The following TDRD10 variants were observed in gnomAD, a reference collection of about 807,000 sequenced individuals.
TDRD10 encodes tudor domain containing 10.
A neutral mutation model predicts 48.0 loss-of-function variants in TDRD10; 40 were observed. The ratio of observed to expected loss-of-function variants is 0.83; its 90% CI spans 0.65 to 1.09. The LOEUF is 1.09. Among genes scored for constraint, TDRD10 ranks in the 50% least tolerant of loss-of-function variants. The probability of loss-of-function intolerance (pLI) is 0.00; values close to 1 mark genes in which losing one functional copy is unlikely to be tolerated. For synonymous variants in TDRD10, 162 were observed against 170.4 expected, an observed-to-expected ratio of 0.95 and a Z score of 0.38; for missense variants, 378 against 434.7, an observed-to-expected ratio of 0.87 and a Z score of 1.16.
rs527898982 is a variant in TDRD10 at position 154,546,030 on chromosome 1, C to T, written c.952+1081C>T. 1.1e-4 allele frequency among the ~76,000 whole-genome samples: 16 copies of T among 148,208 alleles called. No homozygotes were observed. The Admixed American group carries it at 1.1e-3, about 10-fold the overall frequency. Reference sequence around the variant, plus strand: ...CCTCGTGATCCGCCCACCTCGGCCTCCCAAAGTGCTGGGATTACAGCTGTG... The same window carrying T: ...CCTCGTGATCCGCCCACCTCGGCCTTCCAAAGTGCTGGGATTACAGCTGTG... On this transcript the variant is annotated intron_variant, in intron 11 of 12. Transcript: ENST00000368482.
intron 4 of TDRD10, chr1:154,509,740 C>G (rs761639630): frequency 3.6e-5 from 32 of 892,154 alleles, no homozygotes; most frequent in Non-Finnish European, 4.0e-5. Context: ...TTGGGGGATT[C>G]CTGGCACCTG....
chr1:154,538,989 G>T (rs913812683), intron 6 of TDRD10, among the ~76,000 whole-genome samples: 2 of 152,184 alleles, frequency 1.3e-5, no homozygotes, highest in Non-Finnish European at 2.9e-5. Flanking sequence ...TTTACCGTAT[G>T]AACTCATTTA....
intron 6 of TDRD10, among the ~76,000 whole-genome samples, chr1:154,536,312 G>A (rs897403911): frequency 4.6e-5 from 7 of 152,152 alleles, no homozygotes; most frequent in South Asian, 2.1e-4. Context: ...GGAGGCAGAG[G>A]TTGCGGTGAG....
chr1:154,547,627 C>T lies in TDRD10; in HGVS notation c.1024-51C>T, dbSNP rs1436688272. On this transcript the variant is annotated intron_variant, in intron 12 of 12. Transcript: ENST00000368482. ...CTGGTTATCTGAGGGGTTGGGTGAA[C>T]TGGCTCGGGTGGGCCTTCCTTCCCA... is the stretch of plus-strand genomic sequence containing the variant. The T allele has an allele frequency of 2.0e-5, 32 of 1,614,112 alleles. No homozygotes were observed. The Admixed American group carries it at 3.5e-4, about 18-fold the overall frequency.
At chr1:154,540,691 T>G (rs758357991) in intron 6 of TDRD10, among the ~76,000 whole-genome samples, 14 of 151,968 alleles carry the variant, frequency 9.2e-5, no homozygotes, top group Admixed American at 2.6e-4. Flanking sequence ...TTCCAGAGAA[T>G]GATGAGGGCT....
Position 154,516,373 on chromosome 1 carries a change from GA to G in TDRD10, c.142-3930del, listed in dbSNP as rs145967075. ...GGCTTCGAGAAGGTGGGAAGGAAGGGATCGGGGCAGGGACAAGTCTTCCACA... is the reference window on the plus strand; with the variant it reads ...GGCTTCGAGAAGGTGGGAAGGAAGGGTCGGGGCAGGGACAAGTCTTCCACA... On this transcript the variant is annotated intron_variant, in intron 4 of 12. Coordinates refer to ENST00000368482, the MANE Select transcript of TDRD10 (RefSeq NM_182499.4). 8.4e-3 allele frequency among the ~76,000 whole-genome samples: 1,282 copies of G among 152,114 alleles called. 20 individuals are homozygous for G. Among genetic ancestry groups the G allele is most frequent in the African/African-American group, 0.03 (1,227 of 41,454 alleles).
At chr1:154,508,372 A>T (rs2149311978) in intron 3 of TDRD10, 51 bp from the exon 4 acceptor site, 1 of 1,268,364 alleles carries the variant, frequency 7.9e-7, no homozygotes, top group East Asian at 2.3e-5. Flanking sequence ...GACTCCTCTG[A>T]ATCCTCTAAC....
chr1:154,547,421 C>T lies in TDRD10; in HGVS notation c.965C>T (p.Ser322Leu), dbSNP rs372155332. Residue 322 changes from serine to leucine, a missense_variant, in exon 12 of 13, where the codon TCG becomes TTG. Physicochemically the swap from Ser to Leu is moderately radical, Grantham distance 145. Coordinates refer to ENST00000368482, the MANE Select transcript of TDRD10 (RefSeq NM_182499.4). Reference protein sequence around the residue: ...PFMLEKDILSSYEVVHRILKG... With the variant: ...PFMLEKDILSLYEVVHRILKG... ...TCTTGTTTTGCAGACATTTTGAGTT[C>T]GTATGAGGTTGTCCATCGAATCCTC... is the stretch of plus-strand genomic sequence containing the variant. 23 of 1,614,034 alleles carry T rather than the reference C, an allele frequency of 1.4e-5. No homozygotes were observed. Among genetic ancestry groups the T allele is most frequent in the Admixed American group, 8.3e-5 (5 of 59,982 alleles).
At chr1:154,504,529 A>G (rs1353471024) in intron 1 of TDRD10, among the ~76,000 whole-genome samples, 1 of 152,214 alleles carries the variant, frequency 6.6e-6, no homozygotes, top group Non-Finnish European at 1.5e-5. Context: ...AATACTTGTT[A>G]GAGATAGAGG....
At chr1:154,510,607 AAAAC>A (rs1693410660) in intron 4 of TDRD10, among the ~76,000 whole-genome samples, 1 of 151,482 alleles carries the variant, frequency 6.6e-6, no homozygotes, top group African/African-American at 2.4e-5. Flanking sequence ...AACAAAAACA[AAAAC>A]AAAAAAACTG....
intron 3 of TDRD10, among the ~76,000 whole-genome samples, chr1:154,507,706 C>T (rs923133283): frequency 6.6e-6 from 1 of 152,228 alleles, no homozygotes; most frequent in African/African-American, 2.4e-5. Context: ...TGCTGTGGTA[C>T]AGCCTTTCAT....
intron 3 of TDRD10, among the ~76,000 whole-genome samples, chr1:154,507,560 GT>G (rs1268952596): frequency 6.6e-6 from 1 of 152,094 alleles, no homozygotes; most frequent in Non-Finnish European, 1.5e-5. Context: ...CCGTGCTTCT[GT>G]TTCATTTGTG....
intron 6 of TDRD10, among the ~76,000 whole-genome samples, chr1:154,528,532 A>C (rs538565351): frequency 6.6e-6 from 1 of 151,652 alleles, no homozygotes; most frequent in Non-Finnish European, 1.5e-5. Flanking sequence ...GCCAAAAAAA[A>C]TTTTTTTAAC....
rs771798107 is a variant in TDRD10 at position 154,542,027 on chromosome 1, T to G, written c.373T>G (p.Leu125Val). 3.1e-6 allele frequency: 5 copies of G among 1,613,734 alleles called. No individual in the cohort carries two copies. The highest frequency in any genetic ancestry group is 4.2e-6 in the Non-Finnish European group (5 of 1,179,892). ...MIQQPRAPLV[L>V]EKASGEGFGK... ...GACCTTTCATTTTTCTTCCCAGGTG[T>G]TGGAGAAGGCTTCTGGTGAAGGATT... The change falls in exon 7 of 13, where the codon TTG becomes GTG. Residue 125 changes from leucine (L) to valine (V), a missense_variant. Physicochemically the swap from Leu to Val is conservative, Grantham distance 32. Coordinates refer to ENST00000368482, the MANE Select transcript of TDRD10 (RefSeq NM_182499.4).
intron 4 of TDRD10, chr1:154,509,831 AGAGGAGCC>A: frequency 1.0e-6 from 1 of 985,370 alleles, no homozygotes; most frequent in Non-Finnish European, 1.2e-6. Context: ...TGAAGTGGGC[AGAGGAGCC>A]CTACATGTGG....
At chr1:154,531,047 G>T (rs1231575354) in intron 6 of TDRD10, among the ~76,000 whole-genome samples, 2 of 151,534 alleles carry the variant, frequency 1.3e-5, no homozygotes, top group African/African-American at 4.9e-5. Context: ...CACCATGTTG[G>T]CCAGGCTGGT....
chr1:154,511,011 A>C (rs1267050415), intron 4 of TDRD10, among the ~76,000 whole-genome samples: 1 of 152,010 alleles, frequency 6.6e-6, no homozygotes, highest in Middle Eastern at 3.4e-3. Context: ...GCGCCACTGC[A>C]CTCCAGCCTG....
At chr1:154,524,497 G>C (rs533655413) in intron 6 of TDRD10, among the ~76,000 whole-genome samples, 70 of 152,196 alleles carry the variant, frequency 4.6e-4, no homozygotes, top group African/African-American at 1.6e-3. Flanking sequence ...TTGTATGTTG[G>C]ATATTATGGA....
intron 6 of TDRD10, among the ~76,000 whole-genome samples, chr1:154,535,423 T>C (rs4633282): frequency 0.19 from 29,441 of 151,172 alleles, 3,089 homozygotes; most frequent in South Asian, 0.23. Context: ...CAGTGGTGTG[T>C]ACCTGTAATC....
Sources: gnomAD v4.1 joint callset for allele counts (sites outside exome capture counted in the v4.1 genomes callset) on GRCh38, gnomAD v4.1.1 for gene constraint, MANE v1.5 for transcripts, NCBI Gene and HGNC (gene_info 2026-07-23, HGNC 2026-07-21) for gene names.